The following SLC2A5 variants were observed in gnomAD, a reference collection of about 807,000 sequenced individuals.
SLC2A5 encodes solute carrier family 2, facilitated glucose transporter member 5.
SLC2A5 carries 56 observed loss-of-function variants against 50.3 expected under a neutral mutation model. The ratio of observed to expected loss-of-function variants is 1.11; its 90% CI spans 0.90 to 1.39. The LOEUF (loss-of-function observed/expected upper bound fraction) is 1.39, where lower values mean the gene tolerates loss of function less well. SLC2A5 is among the 40% of genes most tolerant of loss of function. The probability of loss-of-function intolerance (pLI) is 0.00; values close to 1 mark genes in which losing one functional copy is unlikely to be tolerated. For synonymous variants in SLC2A5, 269 were observed against 281.9 expected (o/e 0.95, Z 0.46); for missense variants, 566 against 650.1 (o/e 0.87, Z 1.41).
intron 3 of SLC2A5, among the ~76,000 whole-genome samples, chr1:9,051,012 C>T (rs1052712208): frequency 2.0e-5 from 3 of 152,032 alleles, no homozygotes; most frequent in African/African-American, 4.8e-5. Flanking sequence ...AAGTTGCTCA[C>T]GTGAAAGGGC....
upstream of SLC2A5, among the ~76,000 whole-genome samples, chr1:9,074,293 T>C (rs1456676710): frequency 1.3e-5 from 2 of 152,146 alleles, no homozygotes; most frequent in African/African-American, 2.4e-5. Flanking sequence ...GTTAAGGACA[T>C]GCCCAGAAGA....
chr1:9,068,341 A>C (rs1312137782), intron 1 of SLC2A5, among the ~76,000 whole-genome samples: 4 of 152,000 alleles, frequency 2.6e-5, no homozygotes, highest in African/African-American at 7.3e-5. Context: ...CCATTTTACA[A>C]ATGAGAAAAC....
Position 9,038,884 on chromosome 1 carries a change from C to CCAG in SLC2A5, c.1039_1041dup (p.Leu347dup), listed in dbSNP as rs751658322. On this transcript the variant is annotated inframe_insertion, in exon 9 of 12. Transcript: ENST00000377424. ...CAGGCTATGAGGCAGATGGAGAAGCCCAGCAGCAGCAGCAGCCTCCGACCC... is the reference window on the plus strand; with the variant it reads ...CAGGCTATGAGGCAGATGGAGAAGCCCAGCAGCAGCAGCAGCAGCCTCCGACCC... The CCAG allele has an allele frequency of 8.7e-6, 14 of 1,612,442 alleles. No homozygotes were observed. The highest frequency in any genetic ancestry group is 2.2e-5 in the South Asian group (2 of 91,066).
At position 9,058,208 on chromosome 1, in the gene SLC2A5, A is replaced by T; in HGVS notation, c.76T>A (p.Phe26Ile). ...VLALATLIAAFGSSFQYGYNV... is the reference protein window; with the variant it reads ...VLALATLIAAIGSSFQYGYNV... ...TACCCATACTGGAAGGATGACCCAA[A>T]GGCAGCTATCAGGGTTGCCAGGGCA... is the stretch of plus-strand genomic sequence containing the variant. The change falls in exon 2 of 12, where the codon TTT becomes ATT. Residue 26 changes from phenylalanine to isoleucine, a missense_variant. Physicochemically the swap from Phe to Ile is conservative, Grantham distance 21. Coordinates refer to ENST00000377424, the MANE Select transcript of SLC2A5 (RefSeq NM_003039.3). The T allele has an allele frequency of 6.2e-7, 1 of 1,614,078 alleles. No homozygotes were observed. The highest frequency in any genetic ancestry group is 8.5e-7 in the Non-Finnish European group (1 of 1,179,962).
chr1:9,067,279 C>T (rs1168863248), intron 1 of SLC2A5, among the ~76,000 whole-genome samples: 1 of 152,222 alleles, frequency 6.6e-6, no homozygotes, highest in East Asian at 1.9e-4. Context: ...AGGCTGCTCT[C>T]AGGAGCGGGA....
In SLC2A5 at chr1:9,040,368, G is replaced by C; in HGVS notation, c.572-179C>G. ...GGACACTCGGGAAACACCTGCAGCA[G>C]GGATCAGCAGCGACGCACCCCTGCG... On this transcript the variant is annotated intron_variant, in intron 5 of 11. Transcript: ENST00000377424. This position sits in a 1 kb window ranked among gnomAD's most constrained non-coding sequence, Gnocchi z 4.3. 1 of 718,448 alleles carries C rather than the reference G, an allele frequency of 1.4e-6. No homozygotes were observed. The highest frequency in any genetic ancestry group is 2.2e-6 in the Non-Finnish European group (1 of 446,690). The allele number at this position is 718,448 out of a possible 1,614,324, so 44.5% of individuals were successfully genotyped here. A position where few individuals can be genotyped will look rare whatever the true frequency, so the allele number is the denominator to read the frequency against.
chr1:9,090,234 C>G (rs115314663), upstream of SLC2A5, among the ~76,000 whole-genome samples: 3,269 of 152,232 alleles, frequency 0.021, 108 homozygotes, highest in African/African-American at 0.073. Context: ...GACCCCTCCT[C>G]AGACATTCAA....
chr1:9,094,183 G>A, the SLC2A5 span, among the ~76,000 whole-genome samples: 1 of 152,150 alleles, frequency 6.6e-6, no homozygotes, highest in Non-Finnish European at 1.5e-5. Flanking sequence ...ACCAAGTATT[G>A]CCTGAAGCGA....
chr1:9,071,380 A>G (rs912014783), upstream of SLC2A5, among the ~76,000 whole-genome samples: 67 of 152,342 alleles, frequency 4.4e-4, no homozygotes, highest in Non-Finnish European at 1.6e-4. Context: ...ACTGCACTCC[A>G]GCCTGGGCGA....
At chr1:9,053,079 AT>A (rs1425069128) in intron 3 of SLC2A5, among the ~76,000 whole-genome samples, 6 of 71,214 alleles carry the variant, frequency 8.4e-5, no homozygotes, top group African/African-American at 2.6e-4. Flanking sequence ...ATATTTATAT[AT>A]TAATATATAA....
At chr1:9,064,411 A>T (rs1317738662) in intron 1 of SLC2A5, among the ~76,000 whole-genome samples, 1 of 152,078 alleles carries the variant, frequency 6.6e-6, no homozygotes, top group African/African-American at 2.4e-5. Flanking sequence ...CTCTCCTTAG[A>T]GGCTAAGGAG....
chr1:9,053,517 TC>T (rs1641677300), intron 3 of SLC2A5, among the ~76,000 whole-genome samples: 1 of 79,860 alleles, frequency 1.3e-5, no homozygotes, highest in African/African-American at 4.2e-5. Flanking sequence ...ATATATTTTA[TC>T]TATATATTTA....
At chr1:9,068,179 G>T (rs1211297143) in intron 1 of SLC2A5, among the ~76,000 whole-genome samples, 1 of 100,982 alleles carries the variant, frequency 9.9e-6, no homozygotes. Flanking sequence ...GACAGAGCAA[G>T]ACTCTGTGTC....
At chr1:9,073,200 CTT>C (rs1163889392), upstream of SLC2A5, 1 of 152,216 alleles carries the variant, frequency 6.6e-6, no homozygotes, top group Non-Finnish European at 1.5e-5. Context: ...CCACGGGCCT[CTT>C]TTGTACAGGC....
chr1:9,066,917 G>A (rs113187662), intron 1 of SLC2A5, among the ~76,000 whole-genome samples: 9 of 151,492 alleles, frequency 5.9e-5, no homozygotes, highest in East Asian at 1.9e-4. Flanking sequence ...CTTCAAGGCC[G>A]CGGTGAGCTA....
intron 2 of SLC2A5, among the ~76,000 whole-genome samples, chr1:9,075,410 G>A (rs1206902302): frequency 7.9e-5 from 12 of 152,098 alleles, no homozygotes; most frequent in East Asian, 7.7e-4. Context: ...CTTGCAGTCC[G>A]CTCCTCTTCT....
chr1:9,075,047 G>A (rs1302066566), intron 2 of SLC2A5, among the ~76,000 whole-genome samples: 1 of 151,700 alleles, frequency 6.6e-6, no homozygotes, highest in African/African-American at 2.4e-5. Context: ...AAAAAAAGAA[G>A]TGCTTTCCAA....
At chr1:9,069,440 A>G in intron 1 of SLC2A5, 64 bp downstream of exon 1, 1 of 1,561,352 alleles carries the variant, frequency 6.4e-7, no homozygotes, top group African/African-American at 1.4e-5. Flanking sequence ...ACTCTCCAGG[A>G]AGGCTGCACA....
intron 1 of SLC2A5, among the ~76,000 whole-genome samples, chr1:9,061,905 G>C (rs1641954673): frequency 6.6e-6 from 1 of 152,214 alleles, no homozygotes; most frequent in Non-Finnish European, 1.5e-5. Context: ...AATGATCAGA[G>C]AGACTATGGA....
Sources: gnomAD v4.1 joint callset for allele counts (sites outside exome capture counted in the v4.1 genomes callset) on GRCh38, gnomAD v4.1.1 for gene constraint, Gnocchi (gnomAD v3.1) non-coding constraint, MANE v1.5 for transcripts, NCBI Gene and HGNC (gene_info 2026-07-23, HGNC 2026-07-21) for gene names.